Variants in TIAM2 observed in about 807,000 individuals in gnomAD.
TIAM2 encodes rho guanine nucleotide exchange factor TIAM2.
In TIAM2, 80 loss-of-function variants were observed where a neutral mutation model predicts 152.9. That is an observed-to-expected ratio of 0.52 (90% confidence interval 0.44 to 0.63). TIAM2 has a LOEUF of 0.63. TIAM2 is among the 30% of genes least tolerant of loss of function. The pLI is 0.00. For synonymous variants in TIAM2, 804 were observed against 838.0 expected, an observed-to-expected ratio of 0.96 and a Z score of 0.70; for missense variants, 1,965 against 2,120.1, an observed-to-expected ratio of 0.93 and a Z score of 1.44.
At chr6:155,095,906 G>T (rs1778410479) in intron 2 of TIAM2, among the ~76,000 whole-genome samples, 1 of 152,182 alleles carries the variant, frequency 6.6e-6, no homozygotes. Context: ...GTAAACAGAT[G>T]TACCCAGTAG....
At chr6:155,029,173 A>G (rs1268716203) in intron 1 of TIAM2, among the ~76,000 whole-genome samples, 1 of 94,916 alleles carries the variant, frequency 1.1e-5, no homozygotes, top group Non-Finnish European at 2.2e-5. Context: ...TATACACTAT[A>G]TGTACTATGT....
Position 155,203,048 on chromosome 6 carries a change from C to CA in TIAM2, c.3065-8134dup, listed in dbSNP as rs59836931. On this transcript the variant is annotated intron_variant, in intron 14 of 26. Transcript: ENST00000682666. Reference sequence around the variant, plus strand: ...TGGGTGACAGAGCAAAACTCTGTCTCAAAAAAAAAAAAAAAAAAAAAAGAG... The same window carrying CA: ...TGGGTGACAGAGCAAAACTCTGTCTCAAAAAAAAAAAAAAAAAAAAAAAGAG... Among the ~76,000 whole-genome samples, 559 of 78,818 alleles carry CA rather than the reference C, an allele frequency of 7.1e-3. 23 individuals are homozygous for CA. The highest frequency in any genetic ancestry group is 0.025 in the African/African-American group (365 of 14,820). 51.7% of individuals were successfully genotyped at this position (78,818 alleles called of 152,430 possible).
intron 2 of TIAM2, among the ~76,000 whole-genome samples, chr6:155,114,036 A>ATATATATATATTTTTTTTT: frequency 3.2e-4 from 11 of 34,904 alleles, no homozygotes; most frequent in Non-Finnish European, 4.5e-4. Context: ...ATATATATAT[A>ATATATATATATTTTTTTTT]TTTTTTTTTT....
chr6:155,063,380 T>C (rs542604494), intron 1 of TIAM2, among the ~76,000 whole-genome samples: 5 of 152,052 alleles, frequency 3.3e-5, no homozygotes, highest in African/African-American at 1.2e-4. Flanking sequence ...GTACATGTTG[T>C]GCGTGTGTGG....
In TIAM2 at chr6:155,130,015, G is replaced by C. The variant is rs1396721406; in HGVS notation, c.792G>C (p.Glu264Asp). The C allele has an allele frequency of 6.2e-7, 1 of 1,614,102 alleles. No individual in the cohort carries two copies. Among genetic ancestry groups the C allele is most frequent in the Non-Finnish European group, 8.5e-7 (1 of 1,180,026 alleles). Residue 264 changes from glutamate to aspartate, a missense_variant, in exon 4 of 27, where the codon GAG (glutamate) becomes GAC (aspartate). Around this residue, in one of 3 missense-constraint regions of TIAM2, gnomAD observed 1,025 missense variants for 1,119.4 expected, o/e 0.92. Transcript: ENST00000682666. ...ATGCTGGAGAGCTGAGCGAGGCTGAGGGCTCCTTCCTGGCCCCCGGCATGC... is the reference window on the plus strand; with the variant it reads ...ATGCTGGAGAGCTGAGCGAGGCTGACGGCTCCTTCCTGGCCCCCGGCATGC... ...WGNAGELSEA[E>D]GSFLAPGMPD... is the part of the protein sequence containing the mutation.
At chr6:155,052,972 A>G (rs1309337451) in intron 1 of TIAM2, among the ~76,000 whole-genome samples, 1 of 152,104 alleles carries the variant, frequency 6.6e-6, no homozygotes, top group Non-Finnish European at 1.5e-5. Flanking sequence ...TTGCGTTATT[A>G]ATGAGTATCT....
intron 1 of TIAM2, among the ~76,000 whole-genome samples, chr6:154,999,489 G>C (rs773875950): frequency 6.6e-6 from 1 of 152,080 alleles, no homozygotes; most frequent in Non-Finnish European, 1.5e-5. Context: ...TTACAGGCGT[G>C]AGCCACCGCT....
rs114425087 is a variant in TIAM2 at position 155,158,088 on chromosome 6, T to A, written c.2029-6327T>A. On this transcript the variant is annotated intron_variant, in intron 7 of 26. Transcript: ENST00000682666. ...AAGCATGGAACGGGAGTTTTTCAGC[T>A]TCTTACACCAAGAAAGAAACATGAA... 5.9e-3 allele frequency among the ~76,000 whole-genome samples: 898 copies of A among 152,304 alleles called. 10 individuals are homozygous for A. The highest frequency in any genetic ancestry group is 0.02 in the African/African-American group (849 of 41,554).
intron 1 of TIAM2, among the ~76,000 whole-genome samples, chr6:155,066,477 T>G (rs186392052): frequency 2.0e-4 from 30 of 152,344 alleles, no homozygotes; most frequent in African/African-American, 6.7e-4. Context: ...GTGGAGGTTA[T>G]GTGTGTTCGT....
chr6:155,232,270 T>G, intron 15 of TIAM2, among the ~76,000 whole-genome samples: 1 of 118,298 alleles, frequency 8.5e-6, no homozygotes, highest in East Asian at 7.5e-4. Flanking sequence ...TTTTTAGTGT[T>G]TTTTTTTTCC....
At chr6:155,054,566 A>AGTTTTGTTTT (rs1203608796) in intron 1 of TIAM2, among the ~76,000 whole-genome samples, 1 of 123,374 alleles carries the variant, frequency 8.1e-6, no homozygotes, top group East Asian at 2.1e-4. Context: ...AGAAGTACAG[A>AGTTTTGTTTT]GTTTTGTTTT....
At position 155,214,423 on chromosome 6, in the gene TIAM2, C is replaced by CAGCTGGTTTGAT. The variant is rs1781803249; in HGVS notation, c.3168+3116_3168+3117insAGCTGGTTTGAT. Among the ~76,000 whole-genome samples, 2 of 152,056 alleles carry CAGCTGGTTTGAT rather than the reference C, an allele frequency of 1.3e-5. No individual in the cohort carries two copies. The highest frequency in any genetic ancestry group is 2.9e-5 in the Non-Finnish European group (2 of 67,994). ...GCTTCAGAACGGATGCTTCTGGTTC[C>CAGCTGGTTTGAT]GAAGCAGCTGGTTTGATGAAGCAGC... On this transcript the variant is annotated intron_variant, in intron 15 of 26. Coordinates refer to ENST00000682666, the MANE Select transcript of TIAM2 (RefSeq NM_012454.4). The surrounding 1 kb of genome is among the most constrained non-coding windows in gnomAD (Gnocchi z 5.4).
intron 1 of TIAM2, among the ~76,000 whole-genome samples, chr6:155,017,295 T>C (rs1262495559): frequency 6.6e-6 from 1 of 151,870 alleles, no homozygotes; most frequent in Non-Finnish European, 1.5e-5. Flanking sequence ...ATTGTGGAAA[T>C]GAGTGGGGAT....
chr6:155,126,510 T>C (rs1441030580), intron 2 of TIAM2, among the ~76,000 whole-genome samples: 1 of 152,160 alleles, frequency 6.6e-6, no homozygotes, highest in Non-Finnish European at 1.5e-5. Flanking sequence ...GGTGAGCAGA[T>C]CACCTGAGGT....
chr6:155,136,317 C>T (rs1430908530), intron 4 of TIAM2, among the ~76,000 whole-genome samples: 2 of 151,668 alleles, frequency 1.3e-5, no homozygotes, highest in African/African-American at 4.8e-5. Flanking sequence ...TCTTGTTGCC[C>T]AGGCTAGAGT....
At chr6:155,029,275 G>A (rs1218538604) in intron 1 of TIAM2, among the ~76,000 whole-genome samples, 1 of 52,216 alleles carries the variant, frequency 1.9e-5, no homozygotes, top group Admixed American at 2.5e-4. Flanking sequence ...TACACTATAT[G>A]TACTATGTGT....
chr6:155,017,455 T>C (rs114947799), intron 1 of TIAM2, among the ~76,000 whole-genome samples: 4,073 of 151,068 alleles, frequency 0.027, 179 homozygotes, highest in African/African-American at 0.094. Flanking sequence ...TTGATATAAG[T>C]CCTTGCTTCC....
At chr6:155,256,456 A>C in intron 26 of TIAM2, 28 bp from the exon 27 acceptor site, 5 of 1,613,850 alleles carry the variant, frequency 3.1e-6, no homozygotes, top group Non-Finnish European at 4.2e-6. Flanking sequence ...TTTCTGTATC[A>C]CAGCGAAATG....
At position 155,245,737 on chromosome 6, in the gene TIAM2, T is replaced by C; in HGVS notation, c.3652+6T>C. On this transcript the variant is annotated splice_donor_region_variant and intron_variant, in intron 19 of 26. Transcript: ENST00000682666. ...ACAGAAGGTTCTGGAGCGAGGTAAG[T>C]TGCTTATGCCTTTTATAGTTTTTTT... 6.4e-7 allele frequency: 1 copy of C among 1,558,090 alleles called. No individual in the cohort carries two copies. Among genetic ancestry groups the C allele is most frequent in the Non-Finnish European group, 8.7e-7 (1 of 1,152,834 alleles).
Sources: gnomAD v4.1 joint callset for allele counts (sites outside exome capture counted in the v4.1 genomes callset) on GRCh38, gnomAD v4.1.1 for gene constraint, gnomAD v4.1.1 regional missense constraint, Gnocchi (gnomAD v3.1) non-coding constraint, MANE v1.5 for transcripts, NCBI Gene and HGNC (gene_info 2026-07-23, HGNC 2026-07-21) for gene names.